Variants in COL22A1 observed in about 807,000 individuals in gnomAD.
COL22A1 encodes collagen alpha-1(XXII) chain.
COL22A1 carries 221 observed loss-of-function variants against 248.9 expected under a neutral mutation model. That is an observed-to-expected ratio of 0.89 (90% CI 0.80 to 0.99). The LOEUF (loss-of-function observed/expected upper bound fraction) is 0.99. COL22A1 is among the 50% of genes least tolerant of loss of function. The pLI is 0.00. For missense variants in COL22A1, 2,240 were observed against 2,179.0 expected (o/e 1.03, Z -0.56); for synonymous variants, 891 against 793.4 (o/e 1.12, Z -2.07).
At chr8:138,593,846 G>A (rs544315361) in intron 63 of COL22A1, among the ~76,000 whole-genome samples, 171 bp downstream of exon 63, 1 of 152,240 alleles carries the variant, frequency 6.6e-6, no homozygotes, top group Non-Finnish European at 1.5e-5. Flanking sequence ...TGTCAAGTAT[G>A]AAAGCCTCTT....
At chr8:138,802,179 T>C (rs1030814056) in intron 11 of COL22A1, among the ~76,000 whole-genome samples, 1 of 152,212 alleles carries the variant, frequency 6.6e-6, no homozygotes, top group Non-Finnish European at 1.5e-5. Flanking sequence ...AGTATCTTGG[T>C]GAAGCCGGAA....
intron 1 of COL22A1, among the ~76,000 whole-genome samples, chr8:138,892,944 A>C (rs1825163392): frequency 6.6e-6 from 1 of 152,222 alleles, no homozygotes; most frequent in Non-Finnish European, 1.5e-5. Flanking sequence ...TGGTTGGGAC[A>C]TAAGAGCATA....
intron 44 of COL22A1, among the ~76,000 whole-genome samples, chr8:138,659,285 T>C (rs1389905209): frequency 4.6e-5 from 7 of 152,264 alleles, no homozygotes; most frequent in Non-Finnish European, 1.0e-4. Context: ...CCAGGATCCC[T>C]GTCCAGGTCT....
At position 138,807,790 on chromosome 8, in the gene COL22A1, G is replaced by T; in HGVS notation, c.1472C>A (p.Pro491His). The change falls in exon 10 of 65, where the codon CCC becomes CAC. Residue 491 changes from proline to histidine, a missense_variant. Transcript: ENST00000303045. ...GEKGEMGVAGPMGLPGPKGDI... is the reference protein window; with the variant it reads ...GEKGEMGVAGHMGLPGPKGDI... ...GACCTTTGGACCAGGGAGCCCCATG[G>T]GGCCAGCAACTCCCATTTCACCCTA... The T allele has an allele frequency of 2.5e-6, 4 of 1,613,974 alleles. No individual in the cohort carries two copies. The highest frequency in any genetic ancestry group is 3.4e-6 in the Non-Finnish European group (4 of 1,179,934).
intron 3 of COL22A1, among the ~76,000 whole-genome samples, chr8:138,868,164 C>T (rs2131994132): frequency 6.6e-6 from 1 of 152,306 alleles, no homozygotes; most frequent in South Asian, 2.1e-4. Flanking sequence ...CCTGAGTCCA[C>T]CCACCAAAGA....
chr8:138,671,517 G>A (rs1002395247), intron 41 of COL22A1, among the ~76,000 whole-genome samples: 27 of 152,220 alleles, frequency 1.8e-4, no homozygotes, highest in Admixed American at 1.7e-3. Context: ...TCATCTCTGC[G>A]TGAGCAGTCT....
At chr8:138,857,589 C>T in intron 3 of COL22A1, among the ~76,000 whole-genome samples, 1 of 152,184 alleles carries the variant, frequency 6.6e-6, no homozygotes, top group Non-Finnish European at 1.5e-5. Flanking sequence ...TCGAATCTGC[C>T]ACCCCATCCC....
At chr8:138,601,792 G>A (rs939249347) in intron 60 of COL22A1, among the ~76,000 whole-genome samples, 4 of 152,088 alleles carry the variant, frequency 2.6e-5, no homozygotes, top group Admixed American at 6.5e-5. Context: ...ATTCGCACAC[G>A]GGGAGAAAGA....
intron 48 of COL22A1, among the ~76,000 whole-genome samples, chr8:138,635,449 A>G (rs1295827391): frequency 6.6e-6 from 1 of 152,198 alleles, no homozygotes; most frequent in African/African-American, 2.4e-5. Context: ...CATAATAAAA[A>G]CATAAAAAAC....
intron 4 of COL22A1, among the ~76,000 whole-genome samples, chr8:138,839,671 G>A (rs564764294): frequency 6.0e-4 from 91 of 152,210 alleles, no homozygotes; most frequent in African/African-American, 2.2e-4. Context: ...ATTGGAGGGC[G>A]GTTTAGAAGG....
At chr8:138,910,577 T>A (rs569039327) in intron 1 of COL22A1, among the ~76,000 whole-genome samples, 4 of 152,280 alleles carry the variant, frequency 2.6e-5, no homozygotes, top group African/African-American at 9.6e-5. Context: ...TTCCTCGAGT[T>A]TGCAGTTATC....
chr8:138,902,596 C>T (rs1427335426), intron 1 of COL22A1, among the ~76,000 whole-genome samples: 1 of 151,504 alleles, frequency 6.6e-6, no homozygotes, highest in East Asian at 1.9e-4. Context: ...GTCCCAGCTA[C>T]TCGGGAGGTT....
chr8:138,910,896 C>T (rs1424695962), intron 1 of COL22A1, among the ~76,000 whole-genome samples: 1 of 152,182 alleles, frequency 6.6e-6, no homozygotes, highest in Admixed American at 6.5e-5. Context: ...GTCCATGGTC[C>T]TGGCCCATAG....
At chr8:138,794,716 T>C (rs1816351978) in intron 12 of COL22A1, among the ~76,000 whole-genome samples, 1 of 152,122 alleles carries the variant, frequency 6.6e-6, no homozygotes, top group Non-Finnish European at 1.5e-5. Flanking sequence ...CCCAACCGAA[T>C]GGTATTCAGC....
chr8:138,885,263 A>T (rs1405261565), intron 1 of COL22A1, among the ~76,000 whole-genome samples: 1 of 152,164 alleles, frequency 6.6e-6, no homozygotes, highest in Admixed American at 6.5e-5. Context: ...CAGATGGTCA[A>T]TCAGTTCTTC....
chr8:138,593,371 A>G (rs947711257), intron 63 of COL22A1, among the ~76,000 whole-genome samples: 1 of 152,064 alleles, frequency 6.6e-6, no homozygotes, highest in Admixed American at 6.5e-5. Flanking sequence ...GTATCCCAGA[A>G]CTTGAAGTAA....
At chr8:138,676,423 AAGAAAGAAAG>A in intron 41 of COL22A1, 125 bp downstream of exon 41, 1 of 304,032 alleles carries the variant, frequency 3.3e-6, no homozygotes, top group South Asian at 6.7e-5. Flanking sequence ...AAAAGAAAGA[AAGAAAGAAAG>A]AAAGAAAGAA....
Position 138,755,798 on chromosome 8 carries a change from A to G in COL22A1, c.1934T>C (p.Val645Ala), listed in dbSNP as rs1480320901. Residue 645 changes from valine (V) to alanine (A), a missense_variant, in exon 19 of 65, where the codon GTA (valine) becomes GCA (alanine). By Grantham distance (64) the Val-to-Ala change is moderately conservative. Coordinates refer to ENST00000303045, the MANE Select transcript of COL22A1 (RefSeq NM_152888.3). ...GDVGPAGPPG[V>A]PGSVVQQEGL... ...CTGCTGACTCACCACTGAGCCTGGT[A>G]CACCAGGTGGCCCCGCAGGTCCCAC... 2.5e-6 allele frequency: 4 copies of G among 1,614,144 alleles called. No individual in the cohort carries two copies. Among genetic ancestry groups the G allele is most frequent in the Non-Finnish European group, 3.4e-6 (4 of 1,180,006 alleles).
chr8:138,601,595 GAAGAAAAAA>G (rs1230200258), intron 60 of COL22A1, among the ~76,000 whole-genome samples: 1 of 151,654 alleles, frequency 6.6e-6, no homozygotes, highest in Non-Finnish European at 1.5e-5. Context: ...AGGCTCTTCA[GAAGAAAAAA>G]AAGAAAAAAA....
Sources: allele counts gnomAD v4.1 joint callset (sites outside exome capture counted in the v4.1 genomes callset), GRCh38; gene constraint gnomAD v4.1.1; transcripts MANE v1.5; gene names NCBI Gene and HGNC (gene_info 2026-07-23, HGNC 2026-07-21).